UNC13A: variants seen among roughly 807,000 people sequenced by gnomAD.
UNC13A encodes the protein protein unc-13 homolog A.
A neutral mutation model predicts 219.7 loss-of-function variants in UNC13A; 61 were observed. That is an observed-to-expected ratio of 0.28 (90% CI 0.23 to 0.34). The LOEUF (loss-of-function observed/expected upper bound fraction) is 0.34. Ranked by LOEUF, UNC13A falls within the 10% of genes least tolerant of loss-of-function variation. The pLI is 1.00. For missense variants in UNC13A, 1,476 were observed against 2,270.3 expected (o/e 0.65, Z 7.11); for synonymous variants, 920 against 884.6 (o/e 1.04, Z -0.71).
Position 17,663,518 on chromosome 19 carries a change from G to C in UNC13A, c.559+14C>G. Reference sequence around the variant, plus strand: ...CATGTAACTCCCAGAACATCAATCAGGCTGAGTACTTACTGTGCTGCTCAC... The same window carrying C: ...CATGTAACTCCCAGAACATCAATCACGCTGAGTACTTACTGTGCTGCTCAC... On this transcript the variant is annotated intron_variant, in intron 8 of 43. Transcript: ENST00000519716. 6.2e-7 allele frequency: 1 copy of C among 1,612,626 alleles called. No individual in the cohort carries two copies. The highest frequency in any genetic ancestry group is 8.5e-7 in the Non-Finnish European group (1 of 1,179,418).
At chr19:17,662,526 C>T (rs1444066418) in intron 8 of UNC13A, among the ~76,000 whole-genome samples, 1 of 151,990 alleles carries the variant, frequency 6.6e-6, no homozygotes, top group Non-Finnish European at 1.5e-5. Flanking sequence ...TTGAATCATC[C>T]AGAAACCATC....
At chr19:17,680,889 C>T (rs376390229) in intron 1 of UNC13A, among the ~76,000 whole-genome samples, 536 of 48,578 alleles carry the variant, frequency 0.011, 1 homozygote, top group Middle Eastern at 0.058. Flanking sequence ...CTTTTCTTTT[C>T]TTTTTTTTTT....
In UNC13A at chr19:17,656,376, C is replaced by A; in HGVS notation, c.790G>T (p.Ala264Ser). 2 of 1,544,948 alleles carry A rather than the reference C, an allele frequency of 1.3e-6. No individual in the cohort carries two copies. ...CCCTGGCTCAGCTCCCCGGAAGAGG[C>A]ATAGCGGCTGCTACCCGTGGGGCTG... ...ALSPTGSSRY[A>S]SSGELSQGSS... Residue 264 changes from alanine (A) to serine (S), a missense_variant, in exon 10 of 44, where the codon GCC (alanine) becomes TCC (serine). Ala to Ser is a moderately conservative substitution (Grantham distance 99). Transcript: ENST00000519716.
At chr19:17,632,737 G>A (rs757385228) in intron 28 of UNC13A, 45 bp downstream of exon 28, 11 of 1,612,736 alleles carry the variant, frequency 6.8e-6, no homozygotes, top group Middle Eastern at 1.9e-4. Flanking sequence ...CTAGCTGTCA[G>A]TGCTACAGTT....
intron 7 of UNC13A, among the ~76,000 whole-genome samples, chr19:17,666,378 A>AT (rs113317391): frequency 0.24 from 35,909 of 151,240 alleles, 4,641 homozygotes; most frequent in African/African-American, 0.33. Context: ...ATGCCTGTTC[A>AT]TTTTTTTTGT....
intron 3 of UNC13A, among the ~76,000 whole-genome samples, chr19:17,672,842 C>A (rs1449711952): frequency 6.6e-6 from 1 of 152,126 alleles, no homozygotes; most frequent in Non-Finnish European, 1.5e-5. Flanking sequence ...GGCTCAAATA[C>A]CCTCCATAGC....
Position 17,606,052 on chromosome 19 carries a change from CGCTAAGGCGCA to C in UNC13A, c.5103_*1del. The C allele has an allele frequency of 6.5e-7, 1 of 1,539,162 alleles. No individual in the cohort carries two copies. Among genetic ancestry groups the C allele is most frequent in the Middle Eastern group, 2.0e-4 (1 of 5,094 alleles). Reference sequence around the variant, plus strand: ...GCAGTGCCGCTCGGCCGACCGCCCGCGCTAAGGCGCAGGCGCGGCACCGCCCTCCTCGGCGG... The same window carrying C: ...GCAGTGCCGCTCGGCCGACCGCCCGCGGCGCGGCACCGCCCTCCTCGGCGG... On this transcript the variant is annotated stop_lost and 3_prime_UTR_variant, in exon 44 of 44. Coordinates refer to ENST00000519716, the MANE Select transcript of UNC13A (RefSeq NM_001080421.3).
chr19:17,658,039 A>G (rs1223121704), intron 9 of UNC13A, 23 bp downstream of exon 9: 4 of 1,607,786 alleles, frequency 2.5e-6, no homozygotes, highest in Non-Finnish European at 3.4e-6. Flanking sequence ...ACCCACATGC[A>G]TGCTGCACTC....
chr19:17,646,654 A>G (rs1346249266), intron 17 of UNC13A, among the ~76,000 whole-genome samples: 2 of 151,834 alleles, frequency 1.3e-5, no homozygotes, highest in African/African-American at 4.8e-5. Context: ...GCCCCCCGAG[A>G]TCTCCTGCTC....
chr19:17,643,259 A>T (rs1210533783), intron 19 of UNC13A, among the ~76,000 whole-genome samples: 1 of 145,798 alleles, frequency 6.9e-6, no homozygotes, highest in Non-Finnish European at 1.5e-5. Context: ...TGATCCACCT[A>T]CCTCAGCCTC....
At chr19:17,634,526 G>T (rs1216216551) in intron 26 of UNC13A, among the ~76,000 whole-genome samples, 1 of 152,006 alleles carries the variant, frequency 6.6e-6, no homozygotes, top group East Asian at 1.9e-4. Flanking sequence ...TTTTAGTAGA[G>T]ATGGGGTTTT....
rs1270529523 is a variant in UNC13A, at chr19:17,603,377, C to T, written c.*2677G>A. On this transcript the variant is annotated 3_prime_UTR_variant, in exon 44 of 44. Transcript: ENST00000519716. ...TCACCCCAGGTCACAGATCACTTCC[C>T]CTTTGGGCTCTATGGGTTACAACCC... is the stretch of plus-strand genomic sequence containing the variant. The T allele has an allele frequency of 6.6e-6, 1 of 152,254 alleles. No individual in the cohort carries two copies. Among genetic ancestry groups the T allele is most frequent in the Non-Finnish European group, 1.5e-5 (1 of 68,068 alleles). 9.4% of individuals were successfully genotyped at this position (152,254 alleles called of 1,614,324 possible).
chr19:17,638,826 T>C (rs1276194427), intron 25 of UNC13A, among the ~76,000 whole-genome samples: 5 of 151,128 alleles, frequency 3.3e-5, no homozygotes, highest in Non-Finnish European at 7.4e-5. Flanking sequence ...TGAAACTTTA[T>C]CTCAAAAAAA....
intron 25 of UNC13A, among the ~76,000 whole-genome samples, chr19:17,638,532 A>C (rs2076934400): frequency 6.6e-6 from 1 of 151,632 alleles, no homozygotes; most frequent in South Asian, 2.1e-4. Context: ...GCCAGACATA[A>C]ATTTTTATGC....
intron 3 of UNC13A, among the ~76,000 whole-genome samples, chr19:17,673,550 G>A (rs1427744457): frequency 7.3e-5 from 11 of 150,138 alleles, no homozygotes; most frequent in African/African-American, 2.0e-4. Flanking sequence ...AAAATTAGCC[G>A]GGCATGGTGG....
chr19:17,639,483 T>G lies in UNC13A; in HGVS notation c.2899A>C (p.Lys967Gln). 4 of 1,613,564 alleles carry G rather than the reference T, an allele frequency of 2.5e-6. No individual in the cohort carries two copies. Among genetic ancestry groups the G allele is most frequent in the Non-Finnish European group, 3.4e-6 (4 of 1,179,838 alleles). Reference sequence around the variant, plus strand: ...CTGGTGAGAAGGTCCACAGTGGATTTGAGGTCCTGGAGTCTCTCCGGGCTG... The same window carrying G: ...CTGGTGAGAAGGTCCACAGTGGATTGGAGGTCCTGGAGTCTCTCCGGGCTG... Reference protein sequence around the residue: ...ASSPERLQDLKSTVDLLTSIT... With the variant: ...ASSPERLQDLQSTVDLLTSIT... Residue 967 changes from lysine (K) to glutamine (Q), a missense_variant, in exon 24 of 44, where the codon AAA becomes CAA. Lys to Gln is a moderately conservative substitution (Grantham distance 53). Coordinates refer to ENST00000519716, the MANE Select transcript of UNC13A (RefSeq NM_001080421.3).
In UNC13A at chr19:17,649,228, G is replaced by A. The variant is rs1198463914; in HGVS notation, c.1524+111C>T. On this transcript the variant is annotated intron_variant, in intron 14 of 43. Transcript: ENST00000519716. This position sits in a 1 kb window ranked among gnomAD's most constrained non-coding sequence, Gnocchi z 4.4. ...CCCCTGACTCACAGCATCCAACACA[G>A]TGGGACATGGCAAGGTTCCCCCATA... is the stretch of plus-strand genomic sequence containing the variant. 3 of 1,504,610 alleles carry A rather than the reference G, an allele frequency of 2.0e-6. No individual in the cohort carries two copies. Among genetic ancestry groups the A allele is most frequent in the South Asian group, 1.2e-5 (1 of 83,370 alleles). 93.2% of individuals were successfully genotyped at this position (1,504,610 alleles called of 1,614,324 possible). A position where few individuals can be genotyped will look rare whatever the true frequency, so the allele number is the denominator to read the frequency against.
In UNC13A at chr19:17,648,662, G is replaced by A. The variant is rs2079287698; in HGVS notation, c.1597-12C>T. Reference sequence around the variant, plus strand: ...TAAACGTGGTTTTTCTGCAGGGAGGGATGGGGTGCGGTTTGGGGGCGCCTA... The same window carrying A: ...TAAACGTGGTTTTTCTGCAGGGAGGAATGGGGTGCGGTTTGGGGGCGCCTA... On this transcript the variant is annotated splice_polypyrimidine_tract_variant and intron_variant, in intron 15 of 43. Transcript: ENST00000519716. 6.3e-7 allele frequency: 1 copy of A among 1,596,760 alleles called. No homozygotes were observed. Among genetic ancestry groups the A allele is most frequent in the Non-Finnish European group, 8.6e-7 (1 of 1,168,684 alleles).
intron 29 of UNC13A, 89 bp downstream of exon 29, chr19:17,630,565 A>G: frequency 1.4e-6 from 2 of 1,382,298 alleles, no homozygotes; most frequent in South Asian, 1.2e-5. Context: ...GACACCTACC[A>G]GAGACTGGCC....
Sources: gnomAD v4.1 joint callset for allele counts (sites outside exome capture counted in the v4.1 genomes callset) on GRCh38, gnomAD v4.1.1 for gene constraint, Gnocchi (gnomAD v3.1) non-coding constraint, MANE v1.5 for transcripts, NCBI Gene and HGNC (gene_info 2026-07-23, HGNC 2026-07-21) for gene names.